The following SNTB1 variants were observed in gnomAD, a reference collection of about 807,000 sequenced individuals.
SNTB1 encodes beta-1-syntrophin.
In SNTB1, 36 loss-of-function variants were observed where a neutral mutation model predicts 48.9. The ratio of observed to expected loss-of-function variants is 0.74; its 90% CI spans 0.56 to 0.97. The LOEUF (loss-of-function observed/expected upper bound fraction) is 0.97, where lower values mean the gene tolerates loss of function less well. SNTB1 is among the 50% of genes least tolerant of loss of function. The probability of loss-of-function intolerance (pLI) is 0.00; values close to 1 mark genes in which losing one functional copy is unlikely to be tolerated. For missense variants in SNTB1, 786 were observed against 703.4 expected, an observed-to-expected ratio of 1.12 and a Z score of -1.33; for synonymous variants, 299 against 294.6, an observed-to-expected ratio of 1.01 and a Z score of -0.15.
intron 5 of SNTB1, 114 bp from the exon 6 acceptor site, chr8:120,542,114 G>T: frequency 1.5e-6 from 1 of 684,554 alleles, no homozygotes; most frequent in Non-Finnish European, 2.3e-6. Flanking sequence ...CGAATTTCTT[G>T]CTAAAATAAA....
chr8:120,695,834 T>A (rs1037593205), intron 1 of SNTB1, among the ~76,000 whole-genome samples: 1 of 152,210 alleles, frequency 6.6e-6, no homozygotes, highest in Non-Finnish European at 1.5e-5. Context: ...TAGTTGAATA[T>A]AAGTGCAATT....
intron 2 of SNTB1, among the ~76,000 whole-genome samples, chr8:120,684,855 C>T (rs1160794908): frequency 6.6e-6 from 1 of 152,078 alleles, no homozygotes; most frequent in South Asian, 2.1e-4. Flanking sequence ...GGAGTTTCAC[C>T]ACGTTGGCCA....
At chr8:120,751,944 C>T (rs1003914065) in intron 1 of SNTB1, among the ~76,000 whole-genome samples, 5 of 152,188 alleles carry the variant, frequency 3.3e-5, no homozygotes, top group African/African-American at 1.2e-4. Context: ...CAGCACACAG[C>T]TCAGCATGTC....
intron 1 of SNTB1, among the ~76,000 whole-genome samples, chr8:120,767,594 T>C (rs1819548333): frequency 6.6e-6 from 1 of 152,210 alleles, no homozygotes; most frequent in South Asian, 2.1e-4. Context: ...TTGGTTCAAA[T>C]CTGGATTCTG....
At chr8:120,724,940 G>A (rs1818727438) in intron 1 of SNTB1, among the ~76,000 whole-genome samples, 2 of 152,214 alleles carry the variant, frequency 1.3e-5, no homozygotes, top group African/African-American at 4.8e-5. Flanking sequence ...TGTGGCAGCT[G>A]CTCATGGGAT....
intron 2 of SNTB1, among the ~76,000 whole-genome samples, chr8:120,649,996 A>G (rs1475753932): frequency 1.3e-5 from 2 of 152,138 alleles, no homozygotes; most frequent in African/African-American, 4.8e-5. Context: ...TGCACTTCCC[A>G]AGTGAGGCAA....
chr8:120,649,655 C>T (rs1196724517), intron 2 of SNTB1, among the ~76,000 whole-genome samples: 2 of 151,012 alleles, frequency 1.3e-5, no homozygotes, highest in African/African-American at 4.9e-5. Flanking sequence ...GTGGAGCCTA[C>T]AGAGGCAGGC....
chr8:120,674,265 C>T (rs946611298), intron 2 of SNTB1, among the ~76,000 whole-genome samples: 5 of 152,168 alleles, frequency 3.3e-5, no homozygotes, highest in Non-Finnish European at 5.9e-5. Context: ...CTTGTGTTCC[C>T]TTTGCTTTAT....
intron 1 of SNTB1, among the ~76,000 whole-genome samples, chr8:120,741,674 T>C (rs1356445201): frequency 6.6e-6 from 1 of 152,192 alleles, no homozygotes; most frequent in Non-Finnish European, 1.5e-5. Flanking sequence ...TTTTACCCCC[T>C]CCTAATTTTT....
Position 120,812,041 on chromosome 8 carries a change from T to C in SNTB1, c.-198A>G. 8.0e-7 allele frequency: 1 copy of C among 1,253,538 alleles called. No individual in the cohort carries two copies. The allele number at this position is 1,253,538 out of a possible 1,614,324, so 77.7% of individuals were successfully genotyped here. A position where few individuals can be genotyped will look rare whatever the true frequency, so the allele number is the denominator to read the frequency against. Reference sequence around the variant, plus strand: ...CAGCTGCACTCAGGCTGGTTCCCCCTCGCCTGATCCTGACCGGGGTGGAGC... The same window carrying C: ...CAGCTGCACTCAGGCTGGTTCCCCCCCGCCTGATCCTGACCGGGGTGGAGC... On this transcript the variant is annotated 5_prime_UTR_variant, in exon 1 of 7. Coordinates refer to ENST00000517992, the MANE Select transcript of SNTB1 (RefSeq NM_021021.4).
chr8:120,608,852 T>C (rs1816569261), intron 3 of SNTB1, among the ~76,000 whole-genome samples: 1 of 152,138 alleles, frequency 6.6e-6, no homozygotes, highest in African/African-American at 2.4e-5. Context: ...TAGTGGGACA[T>C]AGAAAGCAAA....
chr8:120,573,783 G>T (rs1313411163), intron 4 of SNTB1, among the ~76,000 whole-genome samples: 1 of 152,122 alleles, frequency 6.6e-6, no homozygotes, highest in African/African-American at 2.4e-5. Context: ...TTATTGAAGA[G>T]AATATCCTTT....
chr8:120,682,884 T>TG (rs900753850), intron 2 of SNTB1, among the ~76,000 whole-genome samples: 1 of 148,484 alleles, frequency 6.7e-6, no homozygotes, highest in African/African-American at 2.5e-5. Flanking sequence ...TTTTTAGTTT[T>TG]TTTTTTTTTT....
chr8:120,763,799 T>C (rs1370697363), intron 1 of SNTB1, among the ~76,000 whole-genome samples: 2 of 150,658 alleles, frequency 1.3e-5, no homozygotes, highest in African/African-American at 5.0e-5. Context: ...TTTTTTTTTG[T>C]TTATTATGTG....
intron 3 of SNTB1, among the ~76,000 whole-genome samples, chr8:120,611,573 C>T (rs1210473048): frequency 1.3e-5 from 2 of 151,752 alleles, no homozygotes; most frequent in Non-Finnish European, 2.9e-5. Context: ...CCTGTAATCC[C>T]AGCACTTTGG....
chr8:120,775,311 T>A (rs540578291), intron 1 of SNTB1: 2 of 152,278 alleles, frequency 1.3e-5, no homozygotes, highest in African/African-American at 4.8e-5. Context: ...CGCAACATAC[T>A]AACCACATCC....
At chr8:120,730,833 A>C (rs1055917001) in intron 1 of SNTB1, among the ~76,000 whole-genome samples, 1 of 152,130 alleles carries the variant, frequency 6.6e-6, no homozygotes, top group African/African-American at 2.4e-5. Context: ...TTAATAAATA[A>C]TAGTGGCCGG....
chr8:120,755,387 T>A (rs1436727729), intron 1 of SNTB1, among the ~76,000 whole-genome samples: 1 of 151,942 alleles, frequency 6.6e-6, no homozygotes, highest in Admixed American at 6.6e-5. Flanking sequence ...GGCTTGGGGA[T>A]TTCAGAGGAG....
intron 2 of SNTB1, among the ~76,000 whole-genome samples, chr8:120,685,708 A>G (rs1217161698): frequency 6.6e-6 from 1 of 152,048 alleles, no homozygotes; most frequent in Non-Finnish European, 1.5e-5. Context: ...CATTTTTTTC[A>G]TTATTTACAA....
Sources: gnomAD v4.1 joint callset for allele counts (sites outside exome capture counted in the v4.1 genomes callset) on GRCh38, gnomAD v4.1.1 for gene constraint, MANE v1.5 for transcripts, NCBI Gene and HGNC (gene_info 2026-07-23, HGNC 2026-07-21) for gene names.